The following GPRC5D variants were observed in gnomAD, a reference collection of about 807,000 sequenced individuals.
The protein encoded by GPRC5D is G protein-coupled receptor class C group 5 member D.
Under a neutral mutation model 29.3 loss-of-function variants are expected in GPRC5D, and 20 were observed. The ratio of observed to expected loss-of-function variants is 0.68; its 90% CI spans 0.48 to 0.99. The LOEUF (loss-of-function observed/expected upper bound fraction) is 0.99, where lower values mean the gene tolerates loss of function less well. Among genes scored for constraint, GPRC5D ranks in the 50% least tolerant of loss-of-function variants. The pLI, the probability that GPRC5D is intolerant of heterozygous loss-of-function variation, is 0.00. For missense variants in GPRC5D, 384 were observed against 423.6 expected (o/e 0.91, Z 0.82); for synonymous variants, 178 against 171.3 (o/e 1.04, Z -0.30).
upstream of GPRC5D, chr12:12,950,568 A>G (rs1487871596): frequency 3.4e-6 from 2 of 584,346 alleles, no homozygotes; most frequent in Non-Finnish European, 6.1e-6. Flanking sequence ...GCACTTTGGA[A>G]GGCTGAGGCG....
chr12:12,949,921 C>G (rs1373939425), exon 1 of GPRC5D: 1 of 1,613,114 alleles, frequency 6.2e-7, no homozygotes, highest in Admixed American at 1.7e-5. Flanking sequence ...AAACATCATA[C>G]CTCTGGTCAT....
intron 1 of GPRC5D, among the ~76,000 whole-genome samples, chr12:12,944,826 C>CTTT (rs1420301027): frequency 5.8e-5 from 1 of 17,124 alleles, no homozygotes; most frequent in African/African-American, 1.2e-4. Context: ...TCCTTCCTTC[C>CTTT]TTCCTTCCTT....
intron 1 of GPRC5D, among the ~76,000 whole-genome samples, chr12:12,943,293 A>T (rs909320341): frequency 1.3e-5 from 2 of 152,210 alleles, no homozygotes; most frequent in African/African-American, 4.8e-5. Context: ...TTTGATGATC[A>T]CAGACATAAC....
chr12:12,946,288 C>A (rs1863317566), intron 1 of GPRC5D, among the ~76,000 whole-genome samples: 1 of 85,688 alleles, frequency 1.2e-5, no homozygotes, highest in Non-Finnish European at 2.5e-5. Context: ...TCCTTCCTTC[C>A]TTTCTTCCTT....
intron 1 of GPRC5D, chr12:12,948,698 C>T (rs951081399): frequency 1.3e-5 from 2 of 152,114 alleles, no homozygotes; most frequent in Admixed American, 6.5e-5. Context: ...TAAAATTAGC[C>T]ACTATTTCCC....
intron 1 of GPRC5D, among the ~76,000 whole-genome samples, chr12:12,944,811 TTCCTTCCTTCC>T (rs1863241565): frequency 4.1e-4 from 6 of 14,676 alleles, no homozygotes; most frequent in African/African-American, 9.8e-4. Flanking sequence ...CCTTCCTTCC[TTCCTTCCTTCC>T]TTCCTTCCTT....
In GPRC5D at chr12:12,944,836, TCC is replaced by T. The variant is rs1565477274; in HGVS notation, c.896-2510_896-2509del. Among the ~76,000 whole-genome samples, 297 of 35,606 alleles carry T rather than the reference TCC, an allele frequency of 8.3e-3. 20 individuals carry two copies. The highest frequency in any genetic ancestry group is 0.014 in the African/African-American group (226 of 15,672). 23.4% of individuals were successfully genotyped at this position (35,606 alleles called of 152,430 possible). A position where few individuals can be genotyped will look rare whatever the true frequency, so the allele number is the denominator to read the frequency against. On this transcript the variant is annotated intron_variant, in intron 1 of 2. Transcript: ENST00000228887. ...TTCCTTCCTTCCTTCCTTCCTTCCT[TCC>T]TTCCTTCCTTCCTTCTTTCTTTCTT...
intron 1 of GPRC5D, 121 bp from the exon 3 acceptor site, chr12:12,942,449 C>A (rs1283068442): frequency 2.9e-6 from 2 of 689,074 alleles, no homozygotes; most frequent in East Asian, 2.6e-5. Context: ...AAAAGGAATT[C>A]TGAGGCTGGG....
chr12:12,947,857 C>T (rs1462702790), intron 1 of GPRC5D, among the ~76,000 whole-genome samples: 1 of 152,178 alleles, frequency 6.6e-6, no homozygotes, highest in Non-Finnish European at 1.5e-5. Context: ...AGAGCCCAGC[C>T]AATCTGTATG....
Position 12,949,579 on chromosome 12 carries a change from C to T in GPRC5D, c.806G>A (p.Cys269Tyr), listed in dbSNP as rs770069414. The stretch of plus-strand genomic sequence containing the variant: ...GCCTTGTAAAGGGCACTCCTGTCTA[C>T]ACGATCTGTAGAGAATGCAGAGCTC... Residue 269 changes from cysteine to tyrosine, a missense_variant, in exon 1 of 3, where the codon TGT (cysteine) becomes TAT (tyrosine). By Grantham distance (194) the Cys-to-Tyr change is radical. Transcript: ENST00000228887. 7 of 1,614,176 alleles carry T rather than the reference C, an allele frequency of 4.3e-6. No individual in the cohort carries two copies. In the South Asian group the frequency reaches 6.6e-5, roughly 15 times the overall value.
intron 2 of GPRC5D, among the ~76,000 whole-genome samples, chr12:12,941,286 A>G (rs1863140780): frequency 6.6e-6 from 1 of 152,228 alleles, no homozygotes; most frequent in African/African-American, 2.4e-5. Flanking sequence ...AAACATACTG[A>G]GCCTACCTAT....
upstream of GPRC5D, chr12:12,950,465 C>T: frequency 1.0e-6 from 1 of 953,956 alleles, no homozygotes; most frequent in Non-Finnish European, 1.6e-6. Flanking sequence ...GACAACTCTG[C>T]ATCTCTTAGG....
In GPRC5D at chr12:12,940,786, C is replaced by T. The variant is rs1200593867; in HGVS notation, c.1027G>A (p.Gly343Arg). ...TGTTTCCTGTAGATTTATACTCCTC[C>T]TGCATCTTGCTGGGGGCTTAGTTTA... The change falls in exon 3 of 3, where the codon GGA becomes AGA. Residue 343 changes from glycine (G) to arginine (R), a missense_variant. Transcript: ENST00000228887. 3.1e-6 allele frequency: 5 copies of T among 1,597,284 alleles called. No homozygotes were observed. The highest frequency in any genetic ancestry group is 4.3e-6 in the Non-Finnish European group (5 of 1,164,738).
At chr12:12,952,005 T>G (rs904939080), upstream of GPRC5D, 5 of 152,088 alleles carry the variant, frequency 3.3e-5, no homozygotes, top group Non-Finnish European at 5.9e-5. Flanking sequence ...CAATTGCAAT[T>G]GAATACCCCT....
At chr12:12,948,829 TAAGC>T (rs933819454) in intron 1 of GPRC5D, among the ~76,000 whole-genome samples, 4 of 152,224 alleles carry the variant, frequency 2.6e-5, no homozygotes, top group African/African-American at 9.6e-5. Context: ...AAATGTCACA[TAAGC>T]AAGTTACTTT....
upstream of GPRC5D, chr12:12,950,399 G>A: frequency 1.3e-6 from 2 of 1,564,958 alleles, no homozygotes; most frequent in South Asian, 1.1e-5. Context: ...ACTTATGGGT[G>A]TGGACCTCAC....
chr12:12,943,321 C>T (rs555684220), intron 1 of GPRC5D, among the ~76,000 whole-genome samples: 10 of 152,222 alleles, frequency 6.6e-5, no homozygotes, highest in Middle Eastern at 3.4e-3. Context: ...GTAGGGTTCA[C>T]ACTTAGGGGT....
chr12:12,946,309 T>TTTC (rs1555109901), intron 1 of GPRC5D, among the ~76,000 whole-genome samples: 40 of 37,694 alleles, frequency 1.1e-3, no homozygotes, highest in African/African-American at 2.1e-3. Context: ...CCTTCCTTCC[T>TTTC]TTTCTTTCTT....
chr12:12,946,289 TTTCTTCCTTCCTTCCTTCCTTTTC>T (rs561496526), intron 1 of GPRC5D, among the ~76,000 whole-genome samples: 5,072 of 77,548 alleles, frequency 0.065, 87 homozygotes, highest in African/African-American at 0.083. Flanking sequence ...CCTTCCTTCC[TTTCTTCCTTCCTTCCTTCCTTTTC>T]TTTCTTTCTT....
Sources: gnomAD v4.1 joint callset for allele counts (sites outside exome capture counted in the v4.1 genomes callset) on GRCh38, gnomAD v4.1.1 for gene constraint, MANE v1.5 for transcripts, NCBI Gene and HGNC (gene_info 2026-07-23, HGNC 2026-07-21) for gene names.